POLK: variants seen among roughly 807,000 people sequenced by gnomAD.
POLK encodes the protein DNA polymerase kappa.
POLK carries 76 observed loss-of-function variants against 94.0 expected under a neutral mutation model. The ratio of observed to expected loss-of-function variants is 0.81; its 90% CI spans 0.67 to 0.98. POLK has a LOEUF of 0.98. POLK is among the 50% of genes least tolerant of loss of function. The pLI is 0.00. For missense variants in POLK, 954 were observed against 1,010.1 expected (o/e 0.94, Z 0.75); for synonymous variants, 349 against 325.4 (o/e 1.07, Z -0.78).
intron 4 of POLK, among the ~76,000 whole-genome samples, chr5:75,571,529 G>C (rs956366715): frequency 6.6e-6 from 1 of 152,148 alleles, no homozygotes; most frequent in Non-Finnish European, 1.5e-5. Context: ...ATTTAACTGA[G>C]GCTAAAAAAT....
In POLK at chr5:75,565,331, C is replaced by G. The variant is rs114060929; in HGVS notation, c.256-4009C>G. On this transcript the variant is annotated intron_variant, in intron 3 of 14. Transcript: ENST00000241436. ...TCCTTGTGTTGGGTTAGAATATGCTCCTTTAGCTCGGAGGACTTTGTTATT... is the reference window on the plus strand; with the variant it reads ...TCCTTGTGTTGGGTTAGAATATGCTGCTTTAGCTCGGAGGACTTTGTTATT... 2.1e-3 allele frequency among the ~76,000 whole-genome samples: 316 copies of G among 152,206 alleles called. 1 individual carries two copies. The East Asian group carries it at 0.027, about 13-fold the overall frequency.
intron 2 of POLK, among the ~76,000 whole-genome samples, chr5:75,549,009 T>C (rs939488866): frequency 2.0e-5 from 3 of 152,136 alleles, no homozygotes; most frequent in Admixed American, 2.0e-4. Context: ...TGGCTAAATA[T>C]CTTGATATTT....
intron 3 of POLK, among the ~76,000 whole-genome samples, chr5:75,554,503 A>AT (rs932024820): frequency 1.3e-5 from 2 of 151,618 alleles, no homozygotes; most frequent in Admixed American, 6.6e-5. Flanking sequence ...TTCAAAATTT[A>AT]TTTTTTTTAA....
intron 5 of POLK, 82 bp downstream of exon 5, chr5:75,573,951 C>G: frequency 7.0e-7 from 1 of 1,423,544 alleles, no homozygotes; most frequent in South Asian, 1.2e-5. Flanking sequence ...TGCCTTAGCA[C>G]GTAGGATTTG....
chr5:75,562,494 C>G (rs184925552), intron 3 of POLK, among the ~76,000 whole-genome samples: 19 of 152,236 alleles, frequency 1.2e-4, no homozygotes, highest in Non-Finnish European at 2.6e-4. Context: ...AATTGAATAC[C>G]CTTTATTTCT....
chr5:75,557,442 G>T (rs1770693645), intron 3 of POLK, among the ~76,000 whole-genome samples: 2 of 152,186 alleles, frequency 1.3e-5, no homozygotes. Context: ...TGATAATAGA[G>T]TCTTCCTGTT....
chr5:75,547,071 C>A, exon 2 of POLK: 1 of 1,525,900 alleles, frequency 6.6e-7, no homozygotes, highest in African/African-American at 1.4e-5. Flanking sequence ...TGATCTTCTG[C>A]TTAGGATGGG....
intron 3 of POLK, among the ~76,000 whole-genome samples, chr5:75,561,121 C>G (rs1031475442): frequency 3.3e-5 from 5 of 152,134 alleles, no homozygotes; most frequent in African/African-American, 1.2e-4. Flanking sequence ...CTAATTTACA[C>G]TCCCACCAAC....
intron 3 of POLK, among the ~76,000 whole-genome samples, chr5:75,555,636 C>T (rs563214429): frequency 1.3e-5 from 2 of 151,974 alleles, no homozygotes; most frequent in Non-Finnish European, 2.9e-5. Context: ...CTGCAACCTC[C>T]ACCTCCCGGG....
At chr5:75,583,234 C>T (rs1004202643) in intron 7 of POLK, 59 bp from the exon 8 acceptor site, 15 of 1,261,678 alleles carry the variant, frequency 1.2e-5, no homozygotes, top group African/African-American at 6.2e-5. Flanking sequence ...TTTGTTATTG[C>T]ATATTTAAAA....
At chr5:75,556,713 CTT>C (rs774487569) in intron 3 of POLK, among the ~76,000 whole-genome samples, 33 of 139,668 alleles carry the variant, frequency 2.4e-4, no homozygotes, top group Admixed American at 2.9e-4. Flanking sequence ...ATCTTTTTTT[CTT>C]TTTTTTTTTT....
At chr5:75,589,417 A>G (rs1469864735) in intron 10 of POLK, among the ~76,000 whole-genome samples, 1 of 150,934 alleles carries the variant, frequency 6.6e-6, no homozygotes, top group African/African-American at 2.4e-5. Context: ...ACACACACAC[A>G]CACACACACA....
At chr5:75,538,197 G>C (rs1050376588) in intron 1 of POLK, among the ~76,000 whole-genome samples, 2 of 152,130 alleles carry the variant, frequency 1.3e-5, no homozygotes, top group African/African-American at 4.8e-5. Context: ...ATAGAAATAA[G>C]TACTTCATAT....
At chr5:75,601,397 T>C (rs1773292936), downstream of POLK, among the ~76,000 whole-genome samples, 1 of 151,046 alleles carries the variant, frequency 6.6e-6, no homozygotes, top group South Asian at 2.1e-4. Context: ...ATGGTTAATA[T>C]TGAGTGTCAA....
At chr5:75,572,009 G>GTT in intron 4 of POLK, among the ~76,000 whole-genome samples, 1 of 152,282 alleles carries the variant, frequency 6.6e-6, no homozygotes, top group East Asian at 1.9e-4. Flanking sequence ...CTATCAAGAT[G>GTT]TTTTAAGTGC....
intron 2 of POLK, among the ~76,000 whole-genome samples, chr5:75,547,456 A>G (rs1490991043): frequency 6.7e-6 from 1 of 149,798 alleles, no homozygotes; most frequent in Non-Finnish European, 1.5e-5. Flanking sequence ...TTTTTTTTTC[A>G]GTTAATATAA....
intron 1 of POLK, among the ~76,000 whole-genome samples, chr5:75,529,240 A>G (rs1769023770): frequency 6.6e-6 from 1 of 152,184 alleles, no homozygotes. Context: ...AGGCAAGCAC[A>G]TTACATGGAG....
intron 1 of POLK, among the ~76,000 whole-genome samples, chr5:75,539,138 G>C (rs939523633): frequency 5.9e-5 from 9 of 152,138 alleles, no homozygotes; most frequent in African/African-American, 2.2e-4. Flanking sequence ...TATTTTAAAA[G>C]TAAGGCTCTT....
At position 75,536,210 on chromosome 5, in the gene POLK, T is replaced by C. The variant is rs1172825791; in HGVS notation, c.-13-10800T>C. Among the ~76,000 whole-genome samples, 4 of 152,256 alleles carry C rather than the reference T, an allele frequency of 2.6e-5. No individual in the cohort carries two copies. In the East Asian group the frequency reaches 7.7e-4, roughly 29 times the overall value. ...ACTTTGATTCTAGTCTGTTCCTGGGTCTTGGAGGAGCGCTCTCTGATTACT... is the reference window on the plus strand; with the variant it reads ...ACTTTGATTCTAGTCTGTTCCTGGGCCTTGGAGGAGCGCTCTCTGATTACT... On this transcript the variant is annotated intron_variant, in intron 1 of 14. Coordinates refer to ENST00000241436, the Ensembl canonical transcript of POLK.
Sources: gnomAD v4.1 joint callset for allele counts (sites outside exome capture counted in the v4.1 genomes callset) on GRCh38, gnomAD v4.1.1 for gene constraint, MANE v1.5 for transcripts, NCBI Gene and HGNC (gene_info 2026-07-23, HGNC 2026-07-21) for gene names.